Variants in CPQ observed in about 807,000 individuals in gnomAD.
The protein encoded by CPQ is carboxypeptidase Q.
Under a neutral mutation model 45.7 loss-of-function variants are expected in CPQ, and 37 were observed. The observed-to-expected ratio is 0.81, with a 90% confidence interval of 0.62 to 1.07. The LOEUF is 1.07. CPQ is among the 50% of genes least tolerant of loss of function. The pLI is 0.00. For synonymous variants in CPQ, 186 were observed against 205.8 expected (o/e 0.90, Z 0.82); for missense variants, 537 against 572.9 (o/e 0.94, Z 0.64).
chr8:96,664,678 G>C (rs763439407), intron 1 of CPQ, among the ~76,000 whole-genome samples: 3 of 152,196 alleles, frequency 2.0e-5, no homozygotes, highest in African/African-American at 4.8e-5. Context: ...TGAGGAGTAA[G>C]GGTAAAGGCG....
intron 6 of CPQ, among the ~76,000 whole-genome samples, chr8:97,030,738 G>A (rs1232298179): frequency 2.6e-5 from 4 of 152,218 alleles, no homozygotes; most frequent in Non-Finnish European, 5.9e-5. Flanking sequence ...GATCTACCCT[G>A]ACCTTACAAA....
At chr8:96,787,653 A>G (rs1563497220) in intron 2 of CPQ, among the ~76,000 whole-genome samples, 1 of 146,508 alleles carries the variant, frequency 6.8e-6, no homozygotes, top group South Asian at 2.1e-4. Flanking sequence ...TTAATTCTTT[A>G]AATTTCTGGT....
At chr8:97,038,380 G>A (rs1294963367) in intron 6 of CPQ, among the ~76,000 whole-genome samples, 1 of 152,098 alleles carries the variant, frequency 6.6e-6, no homozygotes. Flanking sequence ...TTCTGCCTCA[G>A]TGCCTCCCTA....
intron 7 of CPQ, among the ~76,000 whole-genome samples, chr8:97,133,886 C>T (rs1044984596): frequency 4.6e-5 from 7 of 152,160 alleles, no homozygotes; most frequent in Non-Finnish European, 1.0e-4. Context: ...GTACTGCCTA[C>T]CTTTTTGCTT....
chr8:96,793,377 CAAGAG>C (rs1247645025), intron 2 of CPQ, among the ~76,000 whole-genome samples: 8 of 152,038 alleles, frequency 5.3e-5, no homozygotes, highest in Non-Finnish European at 7.4e-5. Flanking sequence ...TGGTGGCAGA[CAAGAG>C]AAGAGAGCTT....
intron 1 of CPQ, among the ~76,000 whole-genome samples, chr8:96,752,649 A>G (rs1810276536): frequency 6.6e-6 from 1 of 152,164 alleles, no homozygotes; most frequent in African/African-American, 2.4e-5. Flanking sequence ...CCCTGGCCAG[A>G]ACTTCCAACA....
At chr8:96,882,323 C>T (rs999478611) in intron 4 of CPQ, among the ~76,000 whole-genome samples, 9 of 152,260 alleles carry the variant, frequency 5.9e-5, no homozygotes, top group East Asian at 1.9e-4. Context: ...GCCCCTTGTC[C>T]CTTTAAGAAA....
At chr8:96,853,912 A>C (rs1811805859) in intron 3 of CPQ, among the ~76,000 whole-genome samples, 1 of 152,214 alleles carries the variant, frequency 6.6e-6, no homozygotes, top group African/African-American at 2.4e-5. Context: ...TTAACAATTT[A>C]AGGTGGAAAT....
intron 2 of CPQ, among the ~76,000 whole-genome samples, chr8:96,788,396 G>A (rs2130812165): frequency 6.6e-6 from 1 of 152,176 alleles, no homozygotes; most frequent in Non-Finnish European, 1.5e-5. Context: ...CTGGATTCAG[G>A]TGATCCACCT....
chr8:96,940,219 T>C (rs1813106667), intron 4 of CPQ, among the ~76,000 whole-genome samples: 1 of 152,170 alleles, frequency 6.6e-6, no homozygotes, highest in Non-Finnish European at 1.5e-5. Flanking sequence ...AAATGGGCCT[T>C]TCAATTCTTT....
chr8:96,791,371 TG>T (rs1250283980), intron 2 of CPQ, among the ~76,000 whole-genome samples: 1 of 152,188 alleles, frequency 6.6e-6, no homozygotes, highest in Non-Finnish European at 1.5e-5. Flanking sequence ...TATTGGTTTT[TG>T]TGTGTTTTTT....
intron 2 of CPQ, among the ~76,000 whole-genome samples, chr8:96,832,510 C>T (rs1268045345): frequency 6.6e-6 from 1 of 152,110 alleles, no homozygotes; most frequent in African/African-American, 2.4e-5. Flanking sequence ...TGAACATGGA[C>T]CCAAATGGAG....
intron 1 of CPQ, among the ~76,000 whole-genome samples, chr8:96,776,754 A>T (rs114394377): frequency 1.3e-5 from 2 of 152,172 alleles, no homozygotes; most frequent in African/African-American, 4.8e-5. Flanking sequence ...TTTTTGTGAA[A>T]AAGATAATCT....
intron 7 of CPQ, among the ~76,000 whole-genome samples, chr8:97,093,960 T>C (rs536743088): frequency 1.3e-5 from 2 of 152,156 alleles, no homozygotes; most frequent in African/African-American, 4.8e-5. Flanking sequence ...AGGACTCCCA[T>C]AGGGTGTGAG....
At chr8:97,082,936 A>G (rs925704401) in intron 7 of CPQ, among the ~76,000 whole-genome samples, 3 of 152,184 alleles carry the variant, frequency 2.0e-5, no homozygotes, top group Non-Finnish European at 2.9e-5. Context: ...TAAAACAACC[A>G]CAAAAGGCCC....
At chr8:97,077,636 A>G (rs1457555288) in intron 7 of CPQ, among the ~76,000 whole-genome samples, 1 of 152,246 alleles carries the variant, frequency 6.6e-6, no homozygotes, top group African/African-American at 2.4e-5. Flanking sequence ...AAAATAAACT[A>G]GCATCCACAT....
chr8:96,742,914 T>G (rs1345262704), intron 1 of CPQ, among the ~76,000 whole-genome samples: 1 of 152,242 alleles, frequency 6.6e-6, no homozygotes, highest in African/African-American at 2.4e-5. Flanking sequence ...TAACATTTTT[T>G]CCTTCATTTC....
intron 1 of CPQ, among the ~76,000 whole-genome samples, chr8:96,724,659 T>C (rs1327302403): frequency 1.3e-5 from 2 of 152,170 alleles, no homozygotes; most frequent in Admixed American, 6.5e-5. Context: ...AGAATCAATA[T>C]CTTTAAAATG....
chr8:96,774,137 G>T (rs1810578690), intron 1 of CPQ, among the ~76,000 whole-genome samples: 1 of 152,070 alleles, frequency 6.6e-6, no homozygotes, highest in East Asian at 1.9e-4. Context: ...CGGGCACAGT[G>T]GTGCATGCCT....
Sources: allele counts gnomAD v4.1 joint callset (sites outside exome capture counted in the v4.1 genomes callset), GRCh38; gene constraint gnomAD v4.1.1; transcripts MANE v1.5; gene names NCBI Gene and HGNC (gene_info 2026-07-23, HGNC 2026-07-21).